LARP1: variants seen among roughly 807,000 people sequenced by gnomAD.
The protein encoded by LARP1 is La ribonucleoprotein 1, translational regulator, also known as la-related protein 1.
In LARP1, 36 loss-of-function variants were observed where a neutral mutation model predicts 122.7. The ratio of observed to expected loss-of-function variants is 0.29; its 90% CI spans 0.22 to 0.39. LARP1 has a LOEUF of 0.39. Ranked by LOEUF, LARP1 falls within the 10% of genes least tolerant of loss-of-function variation. LARP1 has a pLI of 1.00. For missense variants in LARP1, 1,040 were observed against 1,403.6 expected (o/e 0.74, Z 4.14); for synonymous variants, 539 against 528.7 (o/e 1.02, Z -0.27).
chr5:154,719,573 C>G (rs933352650), intron 1 of LARP1, among the ~76,000 whole-genome samples: 2 of 152,116 alleles, frequency 1.3e-5, no homozygotes, highest in African/African-American at 4.8e-5. Flanking sequence ...GCAGATATAA[C>G]TATTGTAGCC....
chr5:154,746,199 G>A (rs991501885), intron 1 of LARP1, among the ~76,000 whole-genome samples: 1 of 152,238 alleles, frequency 6.6e-6, no homozygotes, highest in African/African-American at 2.4e-5. Context: ...CTAGTGTAGG[G>A]AGTTTTGTTC....
At chr5:154,693,871 AAG>A (rs1463771108) in intron 1 of LARP1, among the ~76,000 whole-genome samples, 1,538 of 128,988 alleles carry the variant, frequency 0.012, 33 homozygotes, top group African/African-American at 0.05. Flanking sequence ...AAAAAAAAAA[AAG>A]AAAGAAAGTT....
chr5:154,774,588 T>C (rs749218807), intron 1 of LARP1, among the ~76,000 whole-genome samples: 4 of 152,228 alleles, frequency 2.6e-5, no homozygotes, highest in Non-Finnish European at 4.4e-5. Flanking sequence ...TGGGAAGACT[T>C]AATCTCTTGC....
At chr5:154,798,423 A>G (rs1181450608) in intron 8 of LARP1, among the ~76,000 whole-genome samples, 1 of 152,248 alleles carries the variant, frequency 6.6e-6, no homozygotes, top group African/African-American at 2.4e-5. Flanking sequence ...AAGTAGCAGT[A>G]TATAATAGAA....
chr5:154,690,484 C>T (rs951397760), intron 1 of LARP1, among the ~76,000 whole-genome samples: 1 of 152,148 alleles, frequency 6.6e-6, no homozygotes, highest in South Asian at 2.1e-4. Context: ...TTATTTTCAC[C>T]GATTTAAAAT....
In LARP1 at chr5:154,755,732, G is replaced by T. The variant is rs999007142; in HGVS notation, c.-26G>T. The T allele has an allele frequency of 1.4e-5, 14 of 987,638 alleles. No individual in the cohort carries two copies. The highest frequency in any genetic ancestry group is 4.6e-5 in the South Asian group (1 of 21,674). 61.2% of individuals were successfully genotyped at this position (987,638 alleles called of 1,614,324 possible). On this transcript the variant is annotated 5_prime_UTR_variant, in exon 1 of 19. Coordinates refer to ENST00000518297, the MANE Select transcript of LARP1 (RefSeq NM_033551.3). ...GGGGAGGCAGCCTCGGGCGCGCCCG[G>T]CTTCTCCGGGGGGGCGGGCGCGCAG...
rs562358768 is a variant in LARP1, at chr5:154,685,794, G to T, written c.-180+2757G>T. 4.0e-5 allele frequency: 20 copies of T among 502,528 alleles called. No individual in the cohort carries two copies. The East Asian group carries it at 9.5e-4, about 24-fold the overall frequency. The allele number at this position is 502,528 out of a possible 1,614,324, so 31.1% of individuals were successfully genotyped here. A position where few individuals can be genotyped will look rare whatever the true frequency, so the allele number is the denominator to read the frequency against. ...GAGATCAGGCTGGGCAACATAGCGAGACCTCAACTCTACAATTTTTTTTTT... is the reference window on the plus strand; with the variant it reads ...GAGATCAGGCTGGGCAACATAGCGATACCTCAACTCTACAATTTTTTTTTT... On this transcript the variant is annotated intron_variant, in intron 1 of 18. Coordinates refer to the LARP1 transcript ENST00000687700.
At chr5:154,753,880 TCTC>T (rs1276791972), upstream of LARP1, among the ~76,000 whole-genome samples, 2 of 152,288 alleles carry the variant, frequency 1.3e-5, no homozygotes, top group Non-Finnish European at 2.9e-5. Flanking sequence ...CATTCAGTCT[TCTC>T]CTAGATCCAG....
intron 8 of LARP1, among the ~76,000 whole-genome samples, chr5:154,798,473 A>G (rs1351430734): frequency 1.3e-5 from 2 of 152,208 alleles, no homozygotes; most frequent in Admixed American, 1.3e-4. Flanking sequence ...ATAGTTCACC[A>G]TTGTGTGGAA....
At chr5:154,781,360 G>A (rs991878139) in intron 1 of LARP1, among the ~76,000 whole-genome samples, 2 of 152,190 alleles carry the variant, frequency 1.3e-5, no homozygotes, top group African/African-American at 4.8e-5. Context: ...TTGGGAGGCC[G>A]AGGCGGGCGG....
At chr5:154,783,781 C>T (rs148597557) in intron 1 of LARP1, among the ~76,000 whole-genome samples, 7 of 152,130 alleles carry the variant, frequency 4.6e-5, no homozygotes, top group Admixed American at 6.5e-5. Context: ...ATTATTTACA[C>T]GTGTAATTCG....
intron 1 of LARP1, among the ~76,000 whole-genome samples, chr5:154,683,112 G>T (rs1468262784): frequency 6.6e-6 from 1 of 152,212 alleles, no homozygotes; most frequent in Non-Finnish European, 1.5e-5. Context: ...AGAGGCCTGG[G>T]GAGGGGGCAC....
chr5:154,802,531 A>G lies in LARP1; in HGVS notation c.2109+132A>G. ...GAGTCTCAGGATTTTTATATATGGG[A>G]AGGGGATGATGACTGACATCTAGCT... On this transcript the variant is annotated intron_variant, in intron 11 of 18. Coordinates refer to ENST00000518297, the MANE Select transcript of LARP1 (RefSeq NM_033551.3). The surrounding 1 kb of genome is among the most constrained non-coding windows in gnomAD (Gnocchi z 5.1). 2 of 1,114,636 alleles carry G rather than the reference A, an allele frequency of 1.8e-6. No individual in the cohort carries two copies. The highest frequency in any genetic ancestry group is 2.5e-6 in the Non-Finnish European group (2 of 811,366). 69.0% of individuals were successfully genotyped at this position (1,114,636 alleles called of 1,614,324 possible). A position where few individuals can be genotyped will look rare whatever the true frequency, so the allele number is the denominator to read the frequency against.
At chr5:154,697,764 A>AG (rs1210907328) in intron 1 of LARP1, among the ~76,000 whole-genome samples, 2 of 152,304 alleles carry the variant, frequency 1.3e-5, no homozygotes, top group South Asian at 2.1e-4. Context: ...GGGCTGGTGC[A>AG]GGGGGGATAG....
intron 1 of LARP1, among the ~76,000 whole-genome samples, chr5:154,740,573 T>C (rs1285968861): frequency 6.6e-6 from 1 of 152,208 alleles, no homozygotes; most frequent in Non-Finnish European, 1.5e-5. Flanking sequence ...AGAGGTTTTA[T>C]GGCTTGCTCA....
intron 1 of LARP1, among the ~76,000 whole-genome samples, chr5:154,732,239 C>T (rs1229297654): frequency 1.3e-5 from 2 of 148,720 alleles, no homozygotes; most frequent in Non-Finnish European, 3.0e-5. Context: ...ATATAATTTA[C>T]CAATTATAGT....
At chr5:154,755,258 C>CA (rs1561567588), upstream of LARP1, among the ~76,000 whole-genome samples, 1 of 146,872 alleles carries the variant, frequency 6.8e-6, no homozygotes, top group African/African-American at 2.5e-5. Context: ...GCCCGGCCAG[C>CA]GGCGCGCCCC....
intron 8 of LARP1, 56 bp downstream of exon 8, chr5:154,795,375 T>C (rs1450596254): frequency 1.3e-6 from 2 of 1,578,734 alleles, no homozygotes; most frequent in Non-Finnish European, 1.7e-6. Flanking sequence ...CTTAGGGAGC[T>C]GGAGTTTGGG....
At chr5:154,786,105 C>T (rs959928510) in intron 1 of LARP1, among the ~76,000 whole-genome samples, 3 of 152,012 alleles carry the variant, frequency 2.0e-5, no homozygotes, top group South Asian at 2.1e-4. Context: ...TGCAGTGGCG[C>T]GATCTCAGCT....
Sources: allele counts gnomAD v4.1 joint callset (sites outside exome capture counted in the v4.1 genomes callset), GRCh38; gene constraint gnomAD v4.1.1; non-coding constraint Gnocchi (gnomAD v3.1); transcripts MANE v1.5; gene names NCBI Gene and HGNC (gene_info 2026-07-23, HGNC 2026-07-21).